ACSM3: variants seen among roughly 807,000 people sequenced by gnomAD.
ACSM3 encodes acyl-coenzyme A synthetase ACSM3, mitochondrial.
In ACSM3, 61 loss-of-function variants were observed where a neutral mutation model predicts 74.1. That is an observed-to-expected ratio of 0.82 (90% CI 0.67 to 1.02). ACSM3 has a LOEUF of 1.02. ACSM3 is among the 50% of genes least tolerant of loss of function. The pLI, the probability that ACSM3 is intolerant of heterozygous loss-of-function variation, is 0.00. For missense variants in ACSM3, 660 were observed against 697.0 expected, an observed-to-expected ratio of 0.95 and a Z score of 0.60; for synonymous variants, 213 against 241.5, an observed-to-expected ratio of 0.88 and a Z score of 1.09.
chr16:20,744,906 G>T (rs1004052265), intron 1 of ACSM3, among the ~76,000 whole-genome samples: 16 of 152,172 alleles, frequency 1.1e-4, no homozygotes, highest in Non-Finnish European at 8.8e-5. Flanking sequence ...AATTTAATTT[G>T]TCTAAAGTTT....
upstream of ACSM3, among the ~76,000 whole-genome samples, chr16:20,763,499 TCAGAGGACCCTGTGC>T (rs2080094122): frequency 6.6e-6 from 1 of 152,106 alleles, no homozygotes; most frequent in Admixed American, 6.6e-5. Context: ...GGGCTGTGGA[TCAGAGGACCCTGTGC>T]CAGATCATAC....
chr16:20,690,532 T>C (rs1255976738), intron 1 of ACSM3, among the ~76,000 whole-genome samples: 1 of 152,206 alleles, frequency 6.6e-6, no homozygotes, highest in Non-Finnish European at 1.5e-5. Context: ...TGGCCTAACA[T>C]AGGTAAATGT....
chr16:20,750,844 G>GTTTTTTTTTTTTTTT (rs59655300), intron 2 of ACSM3, among the ~76,000 whole-genome samples: 3 of 115,350 alleles, frequency 2.6e-5, no homozygotes, highest in Non-Finnish European at 3.5e-5. Flanking sequence ...TTGGAGTCAG[G>GTTTTTTTTTTTTTTT]TTTTTTTTTT....
chr16:20,720,456 G>A (rs1014431977), intron 1 of ACSM3, among the ~76,000 whole-genome samples: 3 of 152,166 alleles, frequency 2.0e-5, no homozygotes, highest in Non-Finnish European at 4.4e-5. Flanking sequence ...CTGACAGGAG[G>A]CGGAGCTCAG....
At chr16:20,779,566 T>C (rs552690165) in intron 4 of ACSM3, among the ~76,000 whole-genome samples, 1 of 152,260 alleles carries the variant, frequency 6.6e-6, no homozygotes, top group South Asian at 2.1e-4. Context: ...ACACTTGATA[T>C]GTATGTGTGC....
rs2080175525 is a variant in ACSM3, at chr16:20,770,227, C to T, written c.193C>T (p.Leu65=). ...GTATTTCAACTTTGCTAAAGATGTC[C>T]TGGACCAATGGACTGATAAGGAAAA... ...PEYFNFAKDV[L]DQWTDKEKAG... The change falls in exon 2 of 14, where the codon CTG becomes TTG. Residue 65 remains leucine (L), a synonymous_variant. Transcript: ENST00000289416. The T allele has an allele frequency of 6.2e-7, 1 of 1,614,076 alleles. No homozygotes were observed. Among genetic ancestry groups the T allele is most frequent in the East Asian group, 2.2e-5 (1 of 44,878 alleles).
chr16:20,769,009 G>A (rs928693823), intron 1 of ACSM3, among the ~76,000 whole-genome samples: 6 of 152,200 alleles, frequency 3.9e-5, no homozygotes, highest in African/African-American at 1.2e-4. Context: ...GTAGATGTCA[G>A]CTAAACTGTC....
At chr16:20,690,645 G>A (rs796216567) in intron 1 of ACSM3, among the ~76,000 whole-genome samples, 1 of 152,220 alleles carries the variant, frequency 6.6e-6, no homozygotes, top group Admixed American at 6.5e-5. Context: ...AAGACACATT[G>A]TCCCATTCAC....
chr16:20,694,696 A>G (rs1176917079), intron 1 of ACSM3, among the ~76,000 whole-genome samples: 3 of 152,228 alleles, frequency 2.0e-5, no homozygotes, highest in Non-Finnish European at 2.9e-5. Context: ...TTAACCAGTT[A>G]TCATGGTTTG....
chr16:20,770,763 G>A (rs996538485), intron 2 of ACSM3, among the ~76,000 whole-genome samples: 1 of 152,060 alleles, frequency 6.6e-6, no homozygotes, highest in Admixed American at 6.5e-5. Flanking sequence ...GTTTAGTTAT[G>A]TAATAACTAT....
intron 1 of ACSM3, among the ~76,000 whole-genome samples, chr16:20,765,139 T>C (rs11074474): frequency 0.62 from 94,450 of 152,022 alleles, 30,451 homozygotes; most frequent in Non-Finnish European, 0.72. Flanking sequence ...TTCAGAAGCC[T>C]ATCTGACCAG....
intron 1 of ACSM3, chr16:20,741,397 G>A (rs999367971): frequency 3.7e-6 from 5 of 1,345,034 alleles, no homozygotes; most frequent in East Asian, 2.5e-5. Flanking sequence ...CCCTACAGCC[G>A]TCACGCCGAC....
chr16:20,786,919 C>T (rs1207730680), intron 9 of ACSM3, among the ~76,000 whole-genome samples: 3 of 152,092 alleles, frequency 2.0e-5, no homozygotes, highest in Admixed American at 1.3e-4. Flanking sequence ...ACCTTCTGAG[C>T]GGGTCAACTA....
chr16:20,758,210 T>C (rs1230396774), intron 3 of ACSM3, among the ~76,000 whole-genome samples: 1 of 152,254 alleles, frequency 6.6e-6, no homozygotes. Context: ...GAAGGAATGG[T>C]ACCAGTTCCT....
intron 7 of ACSM3, among the ~76,000 whole-genome samples, chr16:20,783,872 A>G (rs369281893): frequency 3.3e-4 from 50 of 151,864 alleles, no homozygotes; most frequent in African/African-American, 1.1e-3. Context: ...CAGTGGCACA[A>G]TCTCGGCTCA....
At chr16:20,795,587 G>A (rs1489453741) in intron 12 of ACSM3, among the ~76,000 whole-genome samples, 1 of 152,242 alleles carries the variant, frequency 6.6e-6, no homozygotes, top group Admixed American at 6.5e-5. Flanking sequence ...GCACCTAAGT[G>A]CAGGATACTT....
intron 1 of ACSM3, chr16:20,741,469 G>A (rs1177763287): frequency 2.1e-6 from 3 of 1,452,474 alleles, no homozygotes; most frequent in South Asian, 1.4e-5. Context: ...CTCCCGCAAG[G>A]CCTGGCAGCC....
Position 20,792,139 on chromosome 16 carries a change from T to C in ACSM3, c.1454+10T>C, listed in dbSNP as rs1210885502. ...TCATATTATCCTCTGGGTAACTTTCTTTTCCATATGTGCATATGTCTGTGT... is the reference window on the plus strand; with the variant it reads ...TCATATTATCCTCTGGGTAACTTTCCTTTCCATATGTGCATATGTCTGTGT... On this transcript the variant is annotated intron_variant, in intron 11 of 13. Coordinates refer to ENST00000289416, the MANE Select transcript of ACSM3 (RefSeq NM_005622.4). The C allele has an allele frequency of 1.9e-6, 3 of 1,614,016 alleles. No individual in the cohort carries two copies. In the Admixed American group the frequency reaches 5.0e-5, roughly 27 times the overall value.
chr16:20,750,840 TCAGG>T (rs1265749872), intron 2 of ACSM3, among the ~76,000 whole-genome samples: 3 of 131,520 alleles, frequency 2.3e-5, no homozygotes, highest in Admixed American at 1.6e-4. Context: ...AGTTTTGGAG[TCAGG>T]TTTTTTTTTT....
Sources: allele counts gnomAD v4.1 joint callset (sites outside exome capture counted in the v4.1 genomes callset), GRCh38; gene constraint gnomAD v4.1.1; transcripts MANE v1.5; gene names NCBI Gene and HGNC (gene_info 2026-07-23, HGNC 2026-07-21).